The following KLK4 variants were observed in gnomAD, a reference collection of about 807,000 sequenced individuals.
KLK4 encodes kallikrein related peptidase 4, also known as kallikrein-4.
KLK4 carries 24 observed loss-of-function variants against 24.3 expected under a neutral mutation model. The ratio of observed to expected loss-of-function variants is 0.99; its 90% CI spans 0.72 to 1.39. The LOEUF is 1.39. Ranked by LOEUF, KLK4 falls within the 40% of genes most tolerant of loss-of-function variation. The pLI is 0.00. For synonymous variants in KLK4, 142 were observed against 138.8 expected, an observed-to-expected ratio of 1.02 and a Z score of -0.16; for missense variants, 344 against 327.4, an observed-to-expected ratio of 1.05 and a Z score of -0.39.
Position 50,910,660 on chromosome 19 carries a change from A to G in KLK4, c.61+18T>C. On this transcript the variant is annotated intron_variant, in intron 2 of 5. Coordinates refer to ENST00000324041, the Ensembl canonical transcript of KLK4. The surrounding 1 kb of genome is among the most constrained non-coding windows in gnomAD (Gnocchi z 4.4). ...TGCCCCCAAGCACGGACAGACACAC[A>G]CACGCATACTCAGATACCTGCGACA... 6.4e-7 allele frequency: 1 copy of G among 1,552,412 alleles called. No homozygotes were observed.
intron 1 of KLK4, among the ~76,000 whole-genome samples, chr19:50,911,088 C>T (rs138269402): frequency 6.6e-6 from 1 of 152,184 alleles, no homozygotes; most frequent in Non-Finnish European, 1.5e-5. Context: ...AGAATCAGAG[C>T]CGGAGAGACA....
At chr19:50,908,109 T>C (rs1215451221) in intron 5 of KLK4, 5 of 568,106 alleles carry the variant, frequency 8.8e-6, no homozygotes, top group Admixed American at 5.9e-5. Context: ...CCCCATGCTG[T>C]TGGAAGGTCA....
chr19:50,907,276 T>C (rs1029216302), intron 5 of KLK4, among the ~76,000 whole-genome samples, 190 bp from the exon 6 acceptor site: 1 of 152,196 alleles, frequency 6.6e-6, no homozygotes, highest in Non-Finnish European at 1.5e-5. Flanking sequence ...CTTCCCGATG[T>C]CCTATGTCCT....
chr19:50,909,467 C>T (rs767051182), intron 2 of KLK4, 53 bp from the exon 3 acceptor site: 2 of 1,590,590 alleles, frequency 1.3e-6, no homozygotes, highest in Non-Finnish European at 1.7e-6. Flanking sequence ...CCCAGGGTTC[C>T]TGGGGGTGGG....
intron 5 of KLK4, among the ~76,000 whole-genome samples, chr19:50,907,471 A>T: frequency 7.4e-6 from 1 of 134,236 alleles, no homozygotes; most frequent in East Asian, 2.4e-4. Flanking sequence ...TAGTGGTGTG[A>T]TCTCAACTCA....
exon 3 of KLK4, chr19:50,909,314 C>T (rs1443747828): frequency 6.2e-7 from 1 of 1,614,214 alleles, no homozygotes; most frequent in East Asian, 2.2e-5. Context: ...CCGAGCAGAA[C>T]AATTCGTTTT....
At chr19:50,906,999 G>A (rs1485844866) in exon 6 of KLK4, 5 of 1,614,110 alleles carry the variant, frequency 3.1e-6, no homozygotes, top group East Asian at 2.2e-5. Context: ...TAGACACCTG[G>A]CACGCCAACT....
Sources: gnomAD v4.1 joint callset for allele counts (sites outside exome capture counted in the v4.1 genomes callset) on GRCh38, gnomAD v4.1.1 for gene constraint, Gnocchi (gnomAD v3.1) non-coding constraint, MANE v1.5 for transcripts, NCBI Gene and HGNC (gene_info 2026-07-23, HGNC 2026-07-21) for gene names.